Variants in HDAC9 observed in about 807,000 individuals in gnomAD.
The protein encoded by HDAC9 is histone deacetylase 9.
A neutral mutation model predicts 139.4 loss-of-function variants in HDAC9; 41 were observed. The observed-to-expected ratio is 0.29, with a 90% confidence interval of 0.23 to 0.38. The LOEUF is 0.38. HDAC9 is among the 10% of genes least tolerant of loss of function. The probability of loss-of-function intolerance (pLI) is 1.00; values close to 1 mark genes in which losing one functional copy is unlikely to be tolerated. For missense variants in HDAC9, 1,147 were observed against 1,297.0 expected (o/e 0.88, Z 1.78); for synonymous variants, 517 against 476.2 (o/e 1.09, Z -1.12).
chr7:18,130,656 A>G (rs1239039081), intron 1 of HDAC9, among the ~76,000 whole-genome samples: 3 of 151,996 alleles, frequency 2.0e-5, no homozygotes, highest in African/African-American at 7.2e-5. Flanking sequence ...TCACCCCTAA[A>G]TCCCTCCATT....
chr7:18,936,840 T>C (rs1781669664), intron 23 of HDAC9, among the ~76,000 whole-genome samples: 1 of 152,144 alleles, frequency 6.6e-6, no homozygotes, highest in Non-Finnish European at 1.5e-5. Context: ...TAGTATTTTA[T>C]AAAACAAAAT....
chr7:18,880,757 C>A (rs1246022888), intron 22 of HDAC9, among the ~76,000 whole-genome samples: 1 of 148,846 alleles, frequency 6.7e-6, no homozygotes, highest in African/African-American at 2.5e-5. Context: ...ATGAATTTAC[C>A]TATGTAACAA....
intron 2 of HDAC9, among the ~76,000 whole-genome samples, chr7:18,526,664 C>G (rs1807032768): frequency 6.6e-6 from 1 of 152,128 alleles, no homozygotes; most frequent in Admixed American, 6.6e-5. Context: ...TGACTATATA[C>G]AGCAGCAGGA....
At chr7:18,441,042 T>A (rs775192604) in intron 1 of HDAC9, among the ~76,000 whole-genome samples, 6 of 152,230 alleles carry the variant, frequency 3.9e-5, no homozygotes, top group Non-Finnish European at 8.8e-5. Flanking sequence ...AATTTGGCAA[T>A]TCAATGGACT....
chr7:18,343,324 T>G (rs1341784958), intron 1 of HDAC9, among the ~76,000 whole-genome samples: 1 of 151,850 alleles, frequency 6.6e-6, no homozygotes, highest in Non-Finnish European at 1.5e-5. Flanking sequence ...TTATGAACTT[T>G]TGGCAAGGAA....
At chr7:18,403,665 A>G (rs1309477531) in intron 1 of HDAC9, among the ~76,000 whole-genome samples, 1 of 152,246 alleles carries the variant, frequency 6.6e-6, no homozygotes, top group Non-Finnish European at 1.5e-5. Context: ...TGGCTCACTC[A>G]TAAACATTTA....
chr7:18,784,385 T>C (rs1292076256), intron 16 of HDAC9, among the ~76,000 whole-genome samples: 1 of 150,112 alleles, frequency 6.7e-6, no homozygotes, highest in Non-Finnish European at 1.5e-5. Flanking sequence ...AGCTCAAGAA[T>C]TTTTTTTTTA....
chr7:18,101,560 G>C (rs1317289342), intron 1 of HDAC9, among the ~76,000 whole-genome samples: 3 of 151,944 alleles, frequency 2.0e-5, no homozygotes, highest in African/African-American at 7.3e-5. Context: ...TCATTTTGGC[G>C]ACTACTTAAG....
intron 1 of HDAC9, among the ~76,000 whole-genome samples, chr7:18,466,548 C>T (rs774759629): frequency 1.3e-5 from 2 of 152,144 alleles, no homozygotes; most frequent in Non-Finnish European, 2.9e-5. Context: ...GACGTCCTCT[C>T]GTACTTCAAA....
At chr7:18,210,206 G>T (rs1791840016) in intron 2 of HDAC9, among the ~76,000 whole-genome samples, 1 of 152,086 alleles carries the variant, frequency 6.6e-6, no homozygotes, top group Non-Finnish European at 1.5e-5. Flanking sequence ...GGTGTTCTGT[G>T]ATACAACCTT....
chr7:18,772,350 C>T (rs1012695369), intron 16 of HDAC9, among the ~76,000 whole-genome samples: 2 of 151,984 alleles, frequency 1.3e-5, no homozygotes, highest in African/African-American at 4.8e-5. Context: ...AAAACCCCAC[C>T]TTCTGTTTAT....
intron 21 of HDAC9, among the ~76,000 whole-genome samples, chr7:18,868,957 C>T (rs1333545676): frequency 6.6e-6 from 1 of 152,074 alleles, no homozygotes; most frequent in East Asian, 1.9e-4. Flanking sequence ...CATGGAGACT[C>T]CATACGCCTT....
intron 1 of HDAC9, among the ~76,000 whole-genome samples, chr7:18,312,959 C>T (rs1010289279): frequency 5.3e-5 from 8 of 152,044 alleles, no homozygotes; most frequent in African/African-American, 1.9e-4. Context: ...CTACTTTATT[C>T]TCCATAGCCC....
At chr7:18,695,286 G>C (rs1325561637) in intron 12 of HDAC9, among the ~76,000 whole-genome samples, 1 of 152,234 alleles carries the variant, frequency 6.6e-6, no homozygotes, top group East Asian at 1.9e-4. Flanking sequence ...GGACTCTTTG[G>C]GGGAGGGAAC....
chr7:18,349,367 T>C (rs890597487), intron 1 of HDAC9, among the ~76,000 whole-genome samples: 1 of 136,136 alleles, frequency 7.3e-6, no homozygotes, highest in Admixed American at 7.3e-5. Context: ...CACACAGATA[T>C]TGCCCTTCCT....
intron 1 of HDAC9, among the ~76,000 whole-genome samples, chr7:18,147,493 C>A (rs540752081): frequency 6.6e-6 from 1 of 152,066 alleles, no homozygotes; most frequent in Non-Finnish European, 1.5e-5. Context: ...CTGGTGGACA[C>A]ATGGAAAATA....
At chr7:18,113,336 T>C (rs1023395973) in intron 1 of HDAC9, among the ~76,000 whole-genome samples, 9 of 152,216 alleles carry the variant, frequency 5.9e-5, no homozygotes, top group Non-Finnish European at 1.3e-4. Flanking sequence ...TTTTAGTCTG[T>C]TTTTCTAGGC....
At chr7:18,619,792 C>G (rs1030206029) in intron 6 of HDAC9, among the ~76,000 whole-genome samples, 7 of 152,156 alleles carry the variant, frequency 4.6e-5, no homozygotes, top group Admixed American at 3.9e-4. Flanking sequence ...CACCAGCATA[C>G]TTAATCTCCA....
intron 1 of HDAC9, among the ~76,000 whole-genome samples, chr7:18,125,169 G>A (rs1303799254): frequency 1.3e-5 from 2 of 152,068 alleles, no homozygotes; most frequent in Non-Finnish European, 2.9e-5. Flanking sequence ...CAGTCCTGGG[G>A]AATGAGGGTA....
Sources: allele counts gnomAD v4.1 joint callset (sites outside exome capture counted in the v4.1 genomes callset), GRCh38; gene constraint gnomAD v4.1.1; transcripts MANE v1.5; gene names NCBI Gene and HGNC (gene_info 2026-07-23, HGNC 2026-07-21).